Variants in CHN2 observed in about 807,000 individuals in gnomAD.
CHN2 encodes chimerin 2.
A neutral mutation model predicts 56.3 loss-of-function variants in CHN2; 35 were observed. The observed-to-expected ratio is 0.62, with a 90% confidence interval of 0.47 to 0.82. The LOEUF is 0.82. CHN2 is among the 40% of genes least tolerant of loss of function. The pLI, the probability that CHN2 is intolerant of heterozygous loss-of-function variation, is 0.00. For missense variants in CHN2, 491 were observed against 580.5 expected (o/e 0.85, Z 1.58); for synonymous variants, 210 against 212.8 (o/e 0.99, Z 0.12).
chr7:29,491,049 C>T (rs1435589056), intron 7 of CHN2, among the ~76,000 whole-genome samples: 4 of 152,010 alleles, frequency 2.6e-5, no homozygotes, highest in Non-Finnish European at 5.9e-5. Context: ...TTTTTGAGAC[C>T]ATATTGTCAT....
intron 6 of CHN2, among the ~76,000 whole-genome samples, chr7:29,439,703 A>G (rs930284737): frequency 2.6e-5 from 4 of 152,320 alleles, no homozygotes; most frequent in East Asian, 3.9e-4. Context: ...CTTTGAGCCT[A>G]TGGTCCAGAA....
intron 1 of CHN2, among the ~76,000 whole-genome samples, chr7:29,254,196 C>A (rs377027110): frequency 6.6e-6 from 1 of 152,202 alleles, no homozygotes; most frequent in East Asian, 1.9e-4. Context: ...AACCACCACA[C>A]CCAGCCGCTA....
intron 2 of CHN2, among the ~76,000 whole-genome samples, chr7:29,167,794 AT>A (rs1381310144): frequency 6.6e-6 from 1 of 152,230 alleles, no homozygotes; most frequent in Non-Finnish European, 1.5e-5. Context: ...AGTAGAAGGA[AT>A]TGCACTTCCT....
intron 1 of CHN2, among the ~76,000 whole-genome samples, chr7:29,264,305 G>T (rs1295762008): frequency 6.6e-6 from 1 of 152,234 alleles, no homozygotes; most frequent in Non-Finnish European, 1.5e-5. Flanking sequence ...AACCCCGTCT[G>T]GGAGGTGTAC....
At chr7:29,234,143 T>G (rs1005226350) in intron 1 of CHN2, among the ~76,000 whole-genome samples, 1 of 152,128 alleles carries the variant, frequency 6.6e-6, no homozygotes, top group Non-Finnish European at 1.5e-5. Flanking sequence ...AACACCTTGA[T>G]TTTACCTTGA....
At chr7:29,306,960 G>A (rs900974181) in intron 1 of CHN2, among the ~76,000 whole-genome samples, 1 of 152,218 alleles carries the variant, frequency 6.6e-6, no homozygotes, top group Non-Finnish European at 1.5e-5. Flanking sequence ...GACTAGTAAC[G>A]TCCAAGCCTC....
At chr7:29,232,656 T>C (rs1352270865) in intron 1 of CHN2, among the ~76,000 whole-genome samples, 1 of 137,420 alleles carries the variant, frequency 7.3e-6, no homozygotes, top group African/African-American at 2.7e-5. Context: ...TGCGTCTTTT[T>C]CACAGTGTTG....
At chr7:29,457,835 G>A (rs764660510) in intron 6 of CHN2, among the ~76,000 whole-genome samples, 6 of 152,180 alleles carry the variant, frequency 3.9e-5, no homozygotes, top group Admixed American at 1.3e-4. Flanking sequence ...ATGCCCTGAC[G>A]TTGATGAATT....
chr7:29,265,191 TCTC>T (rs1235191991), intron 1 of CHN2, among the ~76,000 whole-genome samples: 1 of 152,160 alleles, frequency 6.6e-6, no homozygotes, highest in African/African-American at 2.4e-5. Context: ...TCCTTCAACT[TCTC>T]CTGACTCTAG....
At chr7:29,165,455 CT>C (rs1207938264) in intron 2 of CHN2, among the ~76,000 whole-genome samples, 1 of 152,056 alleles carries the variant, frequency 6.6e-6, no homozygotes, top group Non-Finnish European at 1.5e-5. Context: ...TTTAAATCAC[CT>C]ATACTGGTTC....
intron 2 of CHN2, among the ~76,000 whole-genome samples, chr7:29,188,675 G>A (rs1330182536): frequency 6.6e-6 from 1 of 152,040 alleles, no homozygotes; most frequent in Non-Finnish European, 1.5e-5. Context: ...CGGTTCCCTG[G>A]GCTGACAAGC....
chr7:29,490,128 G>A (rs113132176), intron 7 of CHN2, among the ~76,000 whole-genome samples: 1 of 60,964 alleles, frequency 1.6e-5, no homozygotes. Context: ...TTTTTTTTTT[G>A]AAACACCATT....
At chr7:29,280,395 A>C (rs1274847239) in intron 1 of CHN2, among the ~76,000 whole-genome samples, 1 of 151,830 alleles carries the variant, frequency 6.6e-6, no homozygotes, top group Non-Finnish European at 1.5e-5. Flanking sequence ...TAAATAAATA[A>C]ATAAATAAAT....
At chr7:29,500,938 T>C (rs1019429239) in intron 9 of CHN2, among the ~76,000 whole-genome samples, 1 of 152,242 alleles carries the variant, frequency 6.6e-6, no homozygotes, top group African/African-American at 2.4e-5. Flanking sequence ...CACTGTTCAG[T>C]ATCAAAATGT....
chr7:29,374,825 C>CTTCCTTCCTTCCTTCCTTCCTTCT (rs1799906552), intron 3 of CHN2, among the ~76,000 whole-genome samples: 1 of 149,310 alleles, frequency 6.7e-6, no homozygotes, highest in Non-Finnish European at 1.5e-5. Flanking sequence ...TCCTTCCTTC[C>CTTCCTTCCTTCCTTCCTTCCTTCT]TTCCTTCCTT....
chr7:29,428,648 CAA>C (rs1255799684), intron 6 of CHN2, among the ~76,000 whole-genome samples: 2 of 152,080 alleles, frequency 1.3e-5, no homozygotes, highest in East Asian at 3.9e-4. Flanking sequence ...AGTTAGATAA[CAA>C]AGAGATTTGG....
At chr7:29,412,016 A>G (rs943237118) in intron 6 of CHN2, among the ~76,000 whole-genome samples, 4 of 152,044 alleles carry the variant, frequency 2.6e-5, no homozygotes, top group African/African-American at 9.7e-5. Context: ...CACTCACCTT[A>G]CTTGTCACCA....
chr7:29,504,815 G>A lies in CHN2; in HGVS notation c.985G>A (p.Asp329Asn), dbSNP rs759874935. The A allele has an allele frequency of 2.5e-6, 4 of 1,611,668 alleles. No individual in the cohort carries two copies. In the South Asian group the frequency reaches 4.4e-5, roughly 18 times the overall value. The change falls in exon 10 of 13, where the codon GAC becomes AAC. Residue 329 changes from aspartate (D) to asparagine (N), a missense_variant. Transcript: ENST00000222792. ...CATTGAAGATGTCAAAATGGCATTTGACAGAGGTAAGCTTGTACTTTCTTG... is the reference window on the plus strand; with the variant it reads ...CATTGAAGATGTCAAAATGGCATTTAACAGAGGTAAGCTTGTACTTTCTTG... ...EHIEDVKMAFDRDGEKADISA... is the reference protein window; with the variant it reads ...EHIEDVKMAFNRDGEKADISA...
At chr7:29,253,944 G>C (rs1038126796) in intron 1 of CHN2, among the ~76,000 whole-genome samples, 1 of 151,894 alleles carries the variant, frequency 6.6e-6, no homozygotes, top group Non-Finnish European at 1.5e-5. Context: ...TTGCTCTGTC[G>C]CCCAGGCTGG....
Sources: allele counts gnomAD v4.1 joint callset (sites outside exome capture counted in the v4.1 genomes callset), GRCh38; gene constraint gnomAD v4.1.1; transcripts MANE v1.5; gene names NCBI Gene and HGNC (gene_info 2026-07-23, HGNC 2026-07-21).